Variants in STXBP5L observed in about 807,000 individuals in gnomAD.
STXBP5L encodes the protein syntaxin-binding protein 5-like.
Under a neutral mutation model 144.5 loss-of-function variants are expected in STXBP5L, and 65 were observed. That is an observed-to-expected ratio of 0.45 (90% CI 0.37 to 0.55). The LOEUF (loss-of-function observed/expected upper bound fraction) is 0.55, where lower values mean the gene tolerates loss of function less well. STXBP5L is among the 20% of genes least tolerant of loss of function. STXBP5L has a pLI of 0.00. For synonymous variants in STXBP5L, 505 were observed against 469.6 expected (o/e 1.08, Z -0.97); for missense variants, 1,298 against 1,405.5 (o/e 0.92, Z 1.22).
chr3:121,097,087 G>A (rs1020008619), intron 5 of STXBP5L, among the ~76,000 whole-genome samples: 6 of 152,200 alleles, frequency 3.9e-5, no homozygotes, highest in Non-Finnish European at 8.8e-5. Context: ...GCCTTGCTCA[G>A]CTCTGCCCAG....
chr3:121,086,733 G>C (rs1379756594), intron 5 of STXBP5L, among the ~76,000 whole-genome samples: 1 of 152,042 alleles, frequency 6.6e-6, no homozygotes, highest in Non-Finnish European at 1.5e-5. Flanking sequence ...TGAGTGTCAT[G>C]TTAATGCTTA....
Position 121,413,205 on chromosome 3 carries a change from C to G in STXBP5L, c.2996C>G (p.Thr999Arg). 1 of 1,606,472 alleles carries G rather than the reference C, an allele frequency of 6.2e-7. No individual in the cohort carries two copies. Among genetic ancestry groups the G allele is most frequent in the Non-Finnish European group, 8.5e-7 (1 of 1,177,690 alleles). Reference protein sequence around the residue: ...PMLDVNYLPLTDMRIARTFCF... With the variant: ...PMLDVNYLPLRDMRIARTFCF... Reference sequence around the variant, plus strand: ...TTGGATGTTAATTATTTGCCACTGACAGACATGAGGATAGCACGAACATTT... The same window carrying G: ...TTGGATGTTAATTATTTGCCACTGAGAGACATGAGGATAGCACGAACATTT... Residue 999 changes from threonine to arginine, a missense_variant, in exon 24 of 27, where the codon ACA becomes AGA. Thr to Arg is a moderately conservative substitution (Grantham distance 71, BLOSUM62 -1). Coordinates refer to ENST00000471454, the MANE Select transcript of STXBP5L (RefSeq NM_001308330.2).
At chr3:121,205,699 A>T (rs1196522565) in intron 9 of STXBP5L, among the ~76,000 whole-genome samples, 1 of 152,206 alleles carries the variant, frequency 6.6e-6, no homozygotes. Context: ...ATAATTTTAC[A>T]GGTAATTTTA....
intron 7 of STXBP5L, among the ~76,000 whole-genome samples, chr3:121,122,355 C>G (rs976386309): frequency 6.6e-6 from 1 of 150,988 alleles, no homozygotes; most frequent in Non-Finnish European, 1.5e-5. Flanking sequence ...AAAATTGGAT[C>G]CCTTCAAATT....
At chr3:121,412,385 C>A (rs1192789206) in intron 23 of STXBP5L, among the ~76,000 whole-genome samples, 1 of 152,050 alleles carries the variant, frequency 6.6e-6, no homozygotes, top group Non-Finnish European at 1.5e-5. Context: ...CAATAATTGA[C>A]CTCTAGGCAC....
At chr3:121,002,913 C>A (rs1180940239) in intron 3 of STXBP5L, among the ~76,000 whole-genome samples, 1 of 152,232 alleles carries the variant, frequency 6.6e-6, no homozygotes, top group Middle Eastern at 3.4e-3. Context: ...GCATAGTATT[C>A]CATGGTGTAT....
intron 21 of STXBP5L, among the ~76,000 whole-genome samples, chr3:121,380,114 A>G (rs2046289293): frequency 6.6e-6 from 1 of 152,138 alleles, no homozygotes; most frequent in African/African-American, 2.4e-5. Context: ...ACCAGCCAGA[A>G]GTAGCACTCT....
chr3:121,380,018 G>T (rs1199086160), intron 21 of STXBP5L, among the ~76,000 whole-genome samples: 1 of 152,022 alleles, frequency 6.6e-6, no homozygotes, highest in Non-Finnish European at 1.5e-5. Flanking sequence ...AGTTTTTGTA[G>T]AGACAGTGTC....
At chr3:120,924,131 A>G (rs1425466858) in intron 2 of STXBP5L, among the ~76,000 whole-genome samples, 1 of 152,320 alleles carries the variant, frequency 6.6e-6, no homozygotes. Context: ...TGTGTTAGAC[A>G]GTAATTATAC....
chr3:121,405,523 G>C (rs772773345), intron 22 of STXBP5L, among the ~76,000 whole-genome samples: 11 of 152,034 alleles, frequency 7.2e-5, no homozygotes, highest in African/African-American at 2.7e-4. Context: ...GGTTGTAGTC[G>C]GCAAGGCTGG....
chr3:120,978,518 A>G (rs781629299), intron 3 of STXBP5L, among the ~76,000 whole-genome samples: 2 of 152,102 alleles, frequency 1.3e-5, no homozygotes, highest in Non-Finnish European at 2.9e-5. Flanking sequence ...GAGTAGTTTG[A>G]TCGTCTGAAG....
rs956360528 is a variant in STXBP5L, at chr3:121,002,338, T to C, written c.288-39362T>C. Reference sequence around the variant, plus strand: ...CGCATTTTCATATATCTATTGTCCATCTGTTGTGTGTCTTCTTTGGAAAAT... The same window carrying C: ...CGCATTTTCATATATCTATTGTCCACCTGTTGTGTGTCTTCTTTGGAAAAT... On this transcript the variant is annotated intron_variant, in intron 3 of 26. Coordinates refer to ENST00000471454, the MANE Select transcript of STXBP5L (RefSeq NM_001308330.2). Among the ~76,000 whole-genome samples the C allele has an allele frequency of 9.9e-5, 15 of 152,234 alleles. 1 individual carries two copies. The highest frequency in any genetic ancestry group is 4.1e-4 in the South Asian group (2 of 4,834).
intron 5 of STXBP5L, among the ~76,000 whole-genome samples, chr3:121,082,437 C>G (rs1199811162): frequency 6.6e-6 from 1 of 152,092 alleles, no homozygotes; most frequent in Non-Finnish European, 1.5e-5. Context: ...TTTTTGTTGA[C>G]TTTGTGTCCT....
At chr3:121,346,656 A>G (rs2045000250) in intron 20 of STXBP5L, among the ~76,000 whole-genome samples, 1 of 152,158 alleles carries the variant, frequency 6.6e-6, no homozygotes, top group Admixed American at 6.6e-5. Flanking sequence ...AACTGGTGTG[A>G]GATGGTATCT....
intron 8 of STXBP5L, among the ~76,000 whole-genome samples, chr3:121,154,877 C>T (rs528597426): frequency 1.3e-5 from 2 of 151,878 alleles, no homozygotes; most frequent in Non-Finnish European, 3.0e-5. Context: ...TTTGTCTCTT[C>T]CATCATCGTG....
At chr3:121,164,988 A>G (rs1162832173) in intron 9 of STXBP5L, among the ~76,000 whole-genome samples, 1 of 152,154 alleles carries the variant, frequency 6.6e-6, no homozygotes, top group Non-Finnish European at 1.5e-5. Flanking sequence ...TAAAGTTAAT[A>G]AAATTGTATT....
intron 5 of STXBP5L, among the ~76,000 whole-genome samples, chr3:121,065,841 C>T (rs2041517246): frequency 6.6e-6 from 1 of 152,180 alleles, no homozygotes; most frequent in Admixed American, 6.5e-5. Context: ...TTTATTCAAG[C>T]TCATTTTGTT....
intron 7 of STXBP5L, among the ~76,000 whole-genome samples, chr3:121,141,021 C>G (rs759096335): frequency 9.2e-5 from 14 of 151,752 alleles, no homozygotes; most frequent in Non-Finnish European, 1.9e-4. Flanking sequence ...TGTTATCTGT[C>G]AATATAAAAG....
intron 6 of STXBP5L, among the ~76,000 whole-genome samples, chr3:121,119,886 T>G (rs73189341): frequency 2.1e-3 from 315 of 151,354 alleles, no homozygotes; most frequent in Non-Finnish European, 8.6e-4. Context: ...TAACGGAAGT[T>G]TAATGTTAGA....
Sources: allele counts gnomAD v4.1 joint callset (sites outside exome capture counted in the v4.1 genomes callset), GRCh38; gene constraint gnomAD v4.1.1; transcripts MANE v1.5; gene names NCBI Gene and HGNC (gene_info 2026-07-23, HGNC 2026-07-21).